The following IFT52 variants were observed in gnomAD, a reference collection of about 807,000 sequenced individuals.
The protein encoded by IFT52 is intraflagellar transport 52, also known as intraflagellar transport protein 52 homolog.
In IFT52, 44 loss-of-function variants were observed where a neutral mutation model predicts 54.4. The observed-to-expected ratio is 0.81, with a 90% CI of 0.63 to 1.04. IFT52 has a LOEUF of 1.04. Among genes scored for constraint, IFT52 ranks in the 50% least tolerant of loss-of-function variants. The pLI is 0.00. For synonymous variants in IFT52, 181 were observed against 185.3 expected (o/e 0.98, Z 0.19); for missense variants, 452 against 523.6 (o/e 0.86, Z 1.33).
chr20:43,635,486 A>G (rs1305984424), intron 10 of IFT52, among the ~76,000 whole-genome samples: 1 of 152,040 alleles, frequency 6.6e-6, no homozygotes. Context: ...TAGTGGAGAC[A>G]AGGTTTCACT....
intron 6 of IFT52, among the ~76,000 whole-genome samples, chr20:43,611,628 G>A (rs1004234018): frequency 2.0e-5 from 3 of 151,648 alleles, no homozygotes; most frequent in African/African-American, 4.8e-5. Context: ...AGTAGAGACA[G>A]GGCTTCACCA....
chr20:43,631,544 C>T (rs1414604640), intron 10 of IFT52, among the ~76,000 whole-genome samples: 2 of 152,208 alleles, frequency 1.3e-5, no homozygotes, highest in African/African-American at 4.8e-5. Flanking sequence ...ACAATTTAAA[C>T]TGGATGACAA....
intron 8 of IFT52, 36 bp downstream of exon 8, chr20:43,619,062 T>C (rs771198061): frequency 7.3e-7 from 1 of 1,375,758 alleles, no homozygotes; most frequent in African/African-American, 1.4e-5. Context: ...ATATACAATG[T>C]GTATTATTTT....
intron 2 of IFT52, among the ~76,000 whole-genome samples, chr20:43,595,241 C>G (rs180752501): frequency 6.7e-6 from 1 of 149,712 alleles, no homozygotes; most frequent in Non-Finnish European, 1.5e-5. Flanking sequence ...TGCTTGAACC[C>G]GGGAGGCAGA....
intron 6 of IFT52, among the ~76,000 whole-genome samples, chr20:43,613,545 G>A (rs903308975): frequency 3.9e-5 from 6 of 152,212 alleles, no homozygotes; most frequent in Non-Finnish European, 7.3e-5. Context: ...ACTTTGGGAG[G>A]CCAAGGTGGG....
chr20:43,628,635 G>T (rs757403850), intron 10 of IFT52, among the ~76,000 whole-genome samples: 1 of 152,062 alleles, frequency 6.6e-6, no homozygotes, highest in Non-Finnish European at 1.5e-5. Flanking sequence ...AGCGGATCAC[G>T]AGGTCAGGAG....
intron 9 of IFT52, 96 bp from the exon 10 acceptor site, chr20:43,623,795 T>C: frequency 4.5e-6 from 6 of 1,343,720 alleles, no homozygotes; most frequent in African/African-American, 1.5e-5. Context: ...GGCAAGAGAA[T>C]ATAAATGTTG....
chr20:43,627,915 AG>A (rs1259722824), intron 10 of IFT52, among the ~76,000 whole-genome samples: 1,851 of 111,206 alleles, frequency 0.017, 114 homozygotes, highest in African/African-American at 0.054. Flanking sequence ...AGAGAGAGAG[AG>A]AGAGAGTTTT....
At chr20:43,624,087 T>C in intron 10 of IFT52, 42 bp downstream of exon 10, 1 of 1,597,142 alleles carries the variant, frequency 6.3e-7, no homozygotes, top group Admixed American at 1.7e-5. Flanking sequence ...CACTCCATTC[T>C]GAGTGTTTGG....
intron 1 of IFT52, among the ~76,000 whole-genome samples, chr20:43,591,582 G>A (rs1053001028): frequency 6.6e-6 from 1 of 152,152 alleles, no homozygotes; most frequent in African/African-American, 2.4e-5. Context: ...ACGGTGGTGG[G>A]ACCATGGAGG....
chr20:43,609,128 G>C (rs185660876), intron 6 of IFT52, among the ~76,000 whole-genome samples: 119 of 151,792 alleles, frequency 7.8e-4, no homozygotes, highest in African/African-American at 2.7e-3. Context: ...CATAGGCCCA[G>C]CTACTCTGGA....
intron 3 of IFT52, among the ~76,000 whole-genome samples, chr20:43,598,860 G>T (rs2145588901): frequency 6.6e-6 from 1 of 152,236 alleles, no homozygotes; most frequent in African/African-American, 2.4e-5. Context: ...TGCTGAGAGA[G>T]AATATGGGGA....
intron 6 of IFT52, among the ~76,000 whole-genome samples, chr20:43,608,250 A>G (rs546319541): frequency 1.3e-5 from 2 of 152,190 alleles, no homozygotes; most frequent in Non-Finnish European, 2.9e-5. Context: ...GAGGTCTTCC[A>G]ACAGATGGGT....
intron 8 of IFT52, among the ~76,000 whole-genome samples, chr20:43,620,494 A>T (rs1202032979): frequency 6.6e-6 from 1 of 152,086 alleles, no homozygotes; most frequent in East Asian, 1.9e-4. Flanking sequence ...CCCATCTACT[A>T]AAAATACAAA....
At chr20:43,642,388 CATG>C in intron 12 of IFT52, 88 bp from the exon 13 acceptor site, 1 of 1,173,380 alleles carries the variant, frequency 8.5e-7, no homozygotes, top group Admixed American at 2.2e-5. Flanking sequence ...AATGTGGAAA[CATG>C]ACAGGGCATA....
At chr20:43,596,997 T>C (rs1982019212) in intron 3 of IFT52, among the ~76,000 whole-genome samples, 2 of 151,286 alleles carry the variant, frequency 1.3e-5, no homozygotes, top group Admixed American at 1.3e-4. Flanking sequence ...TACCTCAGCC[T>C]CCCAAAGTGC....
intron 10 of IFT52, among the ~76,000 whole-genome samples, chr20:43,624,364 T>C (rs1317207638): frequency 2.0e-5 from 3 of 152,128 alleles, no homozygotes; most frequent in Non-Finnish European, 4.4e-5. Context: ...CCCAAGTCCC[T>C]CAGTAAATGG....
chr20:43,596,629 T>G (rs574214472), intron 3 of IFT52, 107 bp downstream of exon 3: 21 of 727,008 alleles, frequency 2.9e-5, no homozygotes, highest in Middle Eastern at 2.3e-4. Context: ...GGCCTTAAGG[T>G]AGTCACTTCA....
intron 10 of IFT52, among the ~76,000 whole-genome samples, chr20:43,626,454 C>T (rs1242979835): frequency 1.3e-5 from 2 of 151,988 alleles, no homozygotes; most frequent in African/African-American, 4.8e-5. Flanking sequence ...CCATGTTGGC[C>T]AGGCTGGTCT....
Sources: gnomAD v4.1 joint callset for allele counts (sites outside exome capture counted in the v4.1 genomes callset) on GRCh38, gnomAD v4.1.1 for gene constraint, MANE v1.5 for transcripts, NCBI Gene and HGNC (gene_info 2026-07-23, HGNC 2026-07-21) for gene names.